The following CFAP299 variants were observed in gnomAD, a reference collection of about 807,000 sequenced individuals.
CFAP299 encodes the protein cilia- and flagella-associated protein 299.
CFAP299 carries 21 observed loss-of-function variants against 27.0 expected under a neutral mutation model. That is an observed-to-expected ratio of 0.78 (90% CI 0.55 to 1.12). The LOEUF (loss-of-function observed/expected upper bound fraction) is 1.12, where lower values mean the gene tolerates loss of function less well. Among genes scored for constraint, CFAP299 ranks in the 50% most tolerant of loss-of-function variants. The pLI, the probability that CFAP299 is intolerant of heterozygous loss-of-function variation, is 0.00. For missense variants in CFAP299, 310 were observed against 276.6 expected (o/e 1.12, Z -0.86); for synonymous variants, 104 against 98.1 (o/e 1.06, Z -0.36).
At chr4:80,863,973 A>C (rs1398311346) in intron 3 of CFAP299, among the ~76,000 whole-genome samples, 1 of 152,108 alleles carries the variant, frequency 6.6e-6, no homozygotes, top group African/African-American at 2.4e-5. Context: ...AAGAGACTCT[A>C]TAGAGATAGA....
intron 3 of CFAP299, among the ~76,000 whole-genome samples, chr4:80,584,925 G>A (rs1408595248): frequency 6.6e-6 from 1 of 152,004 alleles, no homozygotes; most frequent in Non-Finnish European, 1.5e-5. Context: ...ATCATTATTT[G>A]TATAGAAATA....
intron 3 of CFAP299, among the ~76,000 whole-genome samples, chr4:80,629,269 C>T (rs1739082043): frequency 6.6e-6 from 1 of 151,996 alleles, no homozygotes; most frequent in Non-Finnish European, 1.5e-5. Context: ...GTTAAACTCA[C>T]AGAAGTAGAA....
At chr4:80,590,420 C>T (rs532517307) in intron 3 of CFAP299, among the ~76,000 whole-genome samples, 13 of 152,202 alleles carry the variant, frequency 8.5e-5, no homozygotes, top group South Asian at 2.1e-4. Flanking sequence ...GGGCAGATCA[C>T]GAGGTCAGGA....
chr4:80,764,045 T>G (rs1041539480), intron 3 of CFAP299, among the ~76,000 whole-genome samples: 2 of 152,062 alleles, frequency 1.3e-5, no homozygotes, highest in African/African-American at 4.8e-5. Flanking sequence ...TAGGCATGGA[T>G]AAAGACTTCA....
chr4:80,777,100 G>A (rs1419635031), intron 3 of CFAP299, among the ~76,000 whole-genome samples: 2 of 151,972 alleles, frequency 1.3e-5, no homozygotes, highest in Non-Finnish European at 2.9e-5. Context: ...TCCCCAGATT[G>A]CAGTTTTCAG....
At chr4:80,822,624 A>G (rs1413424832) in intron 3 of CFAP299, among the ~76,000 whole-genome samples, 2 of 152,206 alleles carry the variant, frequency 1.3e-5, no homozygotes, top group Admixed American at 6.5e-5. Flanking sequence ...TTATCATAAT[A>G]TTTTTGAACT....
chr4:80,609,314 T>C (rs1737843621), intron 3 of CFAP299, among the ~76,000 whole-genome samples: 3 of 152,102 alleles, frequency 2.0e-5, no homozygotes, highest in African/African-American at 2.4e-5. Context: ...CTTTCTGTGA[T>C]ATTATTTAGT....
At chr4:80,509,427 TAAGTA>T (rs1479241117) in intron 2 of CFAP299, among the ~76,000 whole-genome samples, 1 of 152,312 alleles carries the variant, frequency 6.6e-6, no homozygotes, top group African/African-American at 2.4e-5. Flanking sequence ...AAGTGAAAGC[TAAGTA>T]AATACCAGAA....
At chr4:80,841,805 T>C (rs961032400) in intron 3 of CFAP299, among the ~76,000 whole-genome samples, 5 of 152,064 alleles carry the variant, frequency 3.3e-5, no homozygotes, top group African/African-American at 1.2e-4. Context: ...TATTGTCTTA[T>C]GTGACCAAAA....
chr4:80,637,620 C>T (rs1046466598), intron 3 of CFAP299, among the ~76,000 whole-genome samples: 25 of 152,152 alleles, frequency 1.6e-4, no homozygotes, highest in African/African-American at 5.6e-4. Context: ...AACTCGTTTA[C>T]TTGTCATAGC....
Position 80,433,264 on chromosome 4 carries a change from A to G in CFAP299, c.242+70380A>G, listed in dbSNP as rs138690878. Among the ~76,000 whole-genome samples, 224 of 152,228 alleles carry G rather than the reference A, an allele frequency of 1.5e-3. 1 individual carries two copies. The highest frequency in any genetic ancestry group is 4.0e-3 in the Admixed American group (61 of 15,294). ...GGTACCCTGTACTTGAGTAATTAAA[A>G]CAAGCATTTTATGTGTATAGATGAT... On this transcript the variant is annotated intron_variant, in intron 2 of 5. Coordinates refer to ENST00000358105, the MANE Select transcript of CFAP299 (RefSeq NM_152770.3).
At chr4:80,619,083 G>A (rs1738447805) in intron 3 of CFAP299, among the ~76,000 whole-genome samples, 1 of 152,060 alleles carries the variant, frequency 6.6e-6, no homozygotes, top group South Asian at 2.1e-4. Flanking sequence ...TATTTTGTTA[G>A]ATGGTAATTA....
intron 4 of CFAP299, among the ~76,000 whole-genome samples, chr4:80,911,820 A>G (rs979167114): frequency 6.6e-6 from 1 of 152,184 alleles, no homozygotes; most frequent in Non-Finnish European, 1.5e-5. Context: ...CTTGTTTTAC[A>G]TTCAAGAAAT....
intron 3 of CFAP299, among the ~76,000 whole-genome samples, chr4:80,668,829 G>C (rs1482692123): frequency 6.6e-6 from 1 of 151,902 alleles, no homozygotes; most frequent in African/African-American, 2.4e-5. Context: ...TAAATTTTAG[G>C]ATTTTTTTCT....
chr4:80,497,969 T>A (rs568143527), intron 2 of CFAP299, among the ~76,000 whole-genome samples: 1 of 152,194 alleles, frequency 6.6e-6, no homozygotes, highest in South Asian at 2.1e-4. Context: ...CCTATAACCA[T>A]CTGATCTTTG....
At chr4:80,366,537 G>A (rs1723844743) in intron 2 of CFAP299, among the ~76,000 whole-genome samples, 1 of 152,150 alleles carries the variant, frequency 6.6e-6, no homozygotes, top group African/African-American at 2.4e-5. Flanking sequence ...TGTGCTGTAG[G>A]CTCTGGGAAT....
intron 1 of CFAP299, among the ~76,000 whole-genome samples, chr4:80,340,685 G>A (rs1341455758): frequency 6.6e-6 from 1 of 152,218 alleles, no homozygotes; most frequent in Non-Finnish European, 1.5e-5. Flanking sequence ...TGGCTCTGGG[G>A]AGTCTAGGTG....
intron 3 of CFAP299, among the ~76,000 whole-genome samples, chr4:80,800,772 T>TATATATGTATAC (rs1560419867): frequency 7.5e-6 from 1 of 134,050 alleles, no homozygotes; most frequent in African/African-American, 2.9e-5. Flanking sequence ...TGTGTGTATA[T>TATATATGTATAC]ATATATATGT....
intron 2 of CFAP299, among the ~76,000 whole-genome samples, chr4:80,435,316 G>T (rs143296428): frequency 1.3e-5 from 2 of 152,180 alleles, no homozygotes; most frequent in African/African-American, 4.8e-5. Context: ...CAGAGAGGGG[G>T]TGAGCAAGCA....
Sources: allele counts gnomAD v4.1 joint callset (sites outside exome capture counted in the v4.1 genomes callset), GRCh38; gene constraint gnomAD v4.1.1; transcripts MANE v1.5; gene names NCBI Gene and HGNC (gene_info 2026-07-23, HGNC 2026-07-21).